UNKL: variants seen among roughly 807,000 people sequenced by gnomAD.
UNKL encodes the protein putative E3 ubiquitin-protein ligase UNKL.
UNKL carries 60 observed loss-of-function variants against 78.0 expected under a neutral mutation model. The observed-to-expected ratio is 0.77, with a 90% CI of 0.63 to 0.95. The LOEUF is 0.95. Among genes scored for constraint, UNKL ranks in the 40% least tolerant of loss-of-function variants. The probability of loss-of-function intolerance (pLI) is 0.00; values close to 1 mark genes in which losing one functional copy is unlikely to be tolerated. For synonymous variants in UNKL, 608 were observed against 474.8 expected (o/e 1.28, Z -3.65); for missense variants, 1,159 against 1,045.7 (o/e 1.11, Z -1.49).
chr16:1,372,157 G>A (rs1016091904), intron 10 of UNKL, among the ~76,000 whole-genome samples: 5 of 152,146 alleles, frequency 3.3e-5, no homozygotes, highest in Non-Finnish European at 1.5e-5. Context: ...CCAGCTACTC[G>A]GGAGGCTGAG....
rs986882616 is a variant in UNKL, at chr16:1,364,353, A to G, written c.*1887T>C. On this transcript the variant is annotated 3_prime_UTR_variant, in exon 15 of 15. Transcript: ENST00000389221. Reference sequence around the variant, plus strand: ...ATACATTCTAATTTGGTCACTGATGATAAAGATTTTTACCTAGACGTTTTG... The same window carrying G: ...ATACATTCTAATTTGGTCACTGATGGTAAAGATTTTTACCTAGACGTTTTG... 5.9e-5 allele frequency: 9 copies of G among 152,246 alleles called. No homozygotes were observed. The highest frequency in any genetic ancestry group is 2.2e-4 in the African/African-American group (9 of 41,472). 9.4% of individuals were successfully genotyped at this position (152,246 alleles called of 1,614,324 possible).
intron 9 of UNKL, among the ~76,000 whole-genome samples, chr16:1,388,934 T>C (rs2036930488): frequency 6.6e-6 from 1 of 152,188 alleles, no homozygotes; most frequent in Non-Finnish European, 1.5e-5. Flanking sequence ...ACAGTGGCCA[T>C]GGTTTGGTGT....
At position 1,366,055 on chromosome 16, in the gene UNKL, G is replaced by GT; in HGVS notation, c.*184dup. ...GGTAGGACTAGATAGGTGACAACGT[G>GT]TGACAGGAAAGGCTGTCAGGCCAAG... On this transcript the variant is annotated 3_prime_UTR_variant, in exon 15 of 15. Transcript: ENST00000389221. 1.6e-6 allele frequency: 1 copy of GT among 622,260 alleles called. No homozygotes were observed. Among genetic ancestry groups the GT allele is most frequent in the Non-Finnish European group, 2.6e-6 (1 of 391,154 alleles). 38.5% of individuals were successfully genotyped at this position (622,260 alleles called of 1,614,324 possible). A position where few individuals can be genotyped will look rare whatever the true frequency, so the allele number is the denominator to read the frequency against.
At chr16:1,379,341 C>T (rs1436877273) in intron 10 of UNKL, among the ~76,000 whole-genome samples, 1 of 152,102 alleles carries the variant, frequency 6.6e-6, no homozygotes, top group African/African-American at 2.4e-5. Flanking sequence ...GCCCCGCTCC[C>T]CTGCCCTCCC....
chr16:1,402,669 CA>C (rs926554057), intron 3 of UNKL, among the ~76,000 whole-genome samples: 1 of 142,184 alleles, frequency 7.0e-6, no homozygotes, highest in Non-Finnish European at 1.5e-5. Context: ...TCTCAAAAAA[CA>C]AAAAAAGAAA....
rs1049002215 is a variant in UNKL, at chr16:1,392,880, C to T, written c.1023+11G>A. ...ACACTGGGCATTGTCCTGGGAAGGC[C>T]GTTCACTTACATTTCCCGGCTGGCC... On this transcript the variant is annotated intron_variant, in intron 8 of 14. Coordinates refer to ENST00000389221, the MANE Select transcript of UNKL (RefSeq NM_001372107.1). 8.4e-6 allele frequency: 13 copies of T among 1,550,428 alleles called. No homozygotes were observed. The highest frequency in any genetic ancestry group is 6.8e-5 in the African/African-American group (5 of 73,054).
At chr16:1,372,284 CAAAA>C (rs752678819) in intron 10 of UNKL, among the ~76,000 whole-genome samples, 2 of 148,564 alleles carry the variant, frequency 1.3e-5, no homozygotes, top group African/African-American at 2.5e-5. Context: ...AAAACAAAAA[CAAAA>C]AAAAAACTTT....
At chr16:1,392,725 G>A (rs111753654) in intron 8 of UNKL, among the ~76,000 whole-genome samples, 166 bp downstream of exon 8, 2,305 of 152,314 alleles carry the variant, frequency 0.015, 44 homozygotes, top group African/African-American at 0.052. Flanking sequence ...GTGAGCCACT[G>A]CCCCCAGCCT....
chr16:1,413,812 G>A, intron 2 of UNKL, 34 bp downstream of exon 2: 3 of 1,493,718 alleles, frequency 2.0e-6, no homozygotes, highest in Non-Finnish European at 2.7e-6. Flanking sequence ...CCCCACCTCC[G>A]CCCAGGCAGC....
intron 10 of UNKL, among the ~76,000 whole-genome samples, chr16:1,380,693 G>A (rs1201345636): frequency 8.8e-5 from 2 of 22,742 alleles, no homozygotes; most frequent in African/African-American, 4.4e-4. Flanking sequence ...TTTTTTTTTT[G>A]AGAACAAGTC....
At position 1,414,642 on chromosome 16, in the gene UNKL, G is replaced by T. The variant is rs779058744; in HGVS notation, c.50C>A (p.Pro17Gln). The T allele has an allele frequency of 4.5e-5, 50 of 1,122,578 alleles. No homozygotes were observed. The highest frequency in any genetic ancestry group is 3.7e-4 in the African/African-American group (22 of 59,068). 69.5% of individuals were successfully genotyped at this position (1,122,578 alleles called of 1,614,324 possible). Residue 17 changes from proline (P) to glutamine (Q), a missense_variant, in exon 1 of 15, where the codon CCG (proline) becomes CAG (glutamine). Transcript: ENST00000389221. ...AAAAALSGSP[P>Q]QTEKPTHYRY... ...GTAGTGGGTCGGCTTCTCAGTCTGC[G>T]GGGGGGACCCGCTCAGCGCCGCTGC...
intron 10 of UNKL, among the ~76,000 whole-genome samples, chr16:1,383,133 G>A (rs958952344): frequency 6.7e-6 from 1 of 149,828 alleles, no homozygotes; most frequent in Non-Finnish European, 1.5e-5. Context: ...TTAGCCGGGC[G>A]TAGTGGCAGG....
rs1248659461 is a variant in UNKL, at chr16:1,370,363, G to A, written c.1358-6C>T. On this transcript the variant is annotated splice_region_variant and splice_polypyrimidine_tract_variant and intron_variant, in intron 11 of 14. Coordinates refer to ENST00000389221, the MANE Select transcript of UNKL (RefSeq NM_001372107.1). ...GCCGGCCAGCGACCTGGGACCTGGC[G>A]GGGGCGGACCAGTCAGCGAAGGGAG... 21 of 1,532,106 alleles carry A rather than the reference G, an allele frequency of 1.4e-5. No individual in the cohort carries two copies. In the East Asian group the frequency reaches 1.7e-4, roughly 13 times the overall value. The allele number at this position is 1,532,106 out of a possible 1,614,324, so 94.9% of individuals were successfully genotyped here. A position where few individuals can be genotyped will look rare whatever the true frequency, so the allele number is the denominator to read the frequency against.
At position 1,367,785 on chromosome 16, in the gene UNKL, C is replaced by A. The variant is rs1417280793; in HGVS notation, c.1659G>T (p.Leu553=). Residue 553 remains leucine, a synonymous_variant, in exon 13 of 15, where the codon CTG becomes CTT. Transcript: ENST00000389221. ...GSFSPSPSPI[L]SAGPPSSSSA... ...TCGAAGAGGATGGGGGGCCGGCACT[C>A]AGGATGGGGGAGGGGCTGGGGGAGA... 9 of 1,574,110 alleles carry A rather than the reference C, an allele frequency of 5.7e-6. No individual in the cohort carries two copies. The highest frequency in any genetic ancestry group is 7.8e-6 in the Non-Finnish European group (9 of 1,160,488).
intron 12 of UNKL, chr16:1,368,079 C>T (rs2035457776): frequency 6.8e-6 from 4 of 587,266 alleles, no homozygotes; most frequent in Admixed American, 3.1e-5. Flanking sequence ...GCCGGTCTCC[C>T]CACCAGATCT....
intron 4 of UNKL, 41 bp downstream of exon 4, chr16:1,401,525 CCG>C: frequency 7.0e-7 from 1 of 1,421,848 alleles, no homozygotes; most frequent in Non-Finnish European, 9.5e-7. Flanking sequence ...CGCGCTGTGC[CCG>C]CCCCCCCCAC....
chr16:1,385,371 C>A lies in UNKL; in HGVS notation c.1101G>T (p.Val367=). 1 of 1,403,930 alleles carries A rather than the reference C, an allele frequency of 7.1e-7. No homozygotes were observed. Among genetic ancestry groups the A allele is most frequent in the Middle Eastern group, 2.0e-4 (1 of 4,886 alleles). 87.0% of individuals were successfully genotyped at this position (1,403,930 alleles called of 1,614,324 possible). Reference sequence around the variant, plus strand: ...GGGCCGGCGGGTGGACCGCTGCAAACACGGCCAGGTGGTTCTGTTCAAAGA... The same window carrying A: ...GGGCCGGCGGGTGGACCGCTGCAAAAACGGCCAGGTGGTTCTGTTCAAAGA... ...EQDSKQNHLA[V]FAAVHPPAPS... Residue 367 remains valine (V), a synonymous_variant, in exon 10 of 15, where the codon GTG becomes GTT. Coordinates refer to ENST00000389221, the MANE Select transcript of UNKL (RefSeq NM_001372107.1).
chr16:1,403,045 G>C lies in UNKL; in HGVS notation c.464+123C>G, dbSNP rs1431586736. 2 of 1,221,266 alleles carry C rather than the reference G, an allele frequency of 1.6e-6. No individual in the cohort carries two copies. Among genetic ancestry groups the C allele is most frequent in the Non-Finnish European group, 2.2e-6 (2 of 903,934 alleles). 75.7% of individuals were successfully genotyped at this position (1,221,266 alleles called of 1,614,324 possible). On this transcript the variant is annotated intron_variant, in intron 3 of 14. Transcript: ENST00000389221. The surrounding 1 kb of genome is among the most constrained non-coding windows in gnomAD (Gnocchi z 4.8). ...AGACTCAGAAAGAAATTCTGGAGGAGAGAGATTTGGGCCAGCAGAGCCTGC... is the reference window on the plus strand; with the variant it reads ...AGACTCAGAAAGAAATTCTGGAGGACAGAGATTTGGGCCAGCAGAGCCTGC...
rs370955849 is a variant in UNKL at position 1,367,817 on chromosome 16, C to G, written c.1627G>C (p.Gly543Arg). 6.3e-7 allele frequency: 1 copy of G among 1,575,496 alleles called. No individual in the cohort carries two copies. Among genetic ancestry groups the G allele is most frequent in the Non-Finnish European group, 8.6e-7 (1 of 1,161,574 alleles). Residue 543 changes from glycine to arginine, a missense_variant, in exon 13 of 15, where the codon GGC (glycine) becomes CGC (arginine). Physicochemically the swap from Gly to Arg is moderately radical, Grantham distance 125. Coordinates refer to ENST00000389221, the MANE Select transcript of UNKL (RefSeq NM_001372107.1). ...GGGGAGGGGCTGGGGGAGAAGCTGC[C>G]GGAAACAAAGTCCCAGATGCTCCCG... ...VPGSIWDFVS[G>R]SFSPSPSPIL...
Sources: allele counts gnomAD v4.1 joint callset (sites outside exome capture counted in the v4.1 genomes callset), GRCh38; gene constraint gnomAD v4.1.1; non-coding constraint Gnocchi (gnomAD v3.1); transcripts MANE v1.5; gene names NCBI Gene and HGNC (gene_info 2026-07-23, HGNC 2026-07-21).